Variants in PRIMPOL observed in about 807,000 individuals in gnomAD.
PRIMPOL encodes DNA-directed primase/polymerase protein.
PRIMPOL carries 54 observed loss-of-function variants against 63.6 expected under a neutral mutation model. The ratio of observed to expected loss-of-function variants is 0.85; its 90% CI spans 0.68 to 1.07. PRIMPOL has a LOEUF of 1.07. Ranked by LOEUF, PRIMPOL falls within the 50% of genes least tolerant of loss-of-function variation. The pLI, the probability that PRIMPOL is intolerant of heterozygous loss-of-function variation, is 0.00. For synonymous variants in PRIMPOL, 197 were observed against 220.2 expected (o/e 0.89, Z 0.93); for missense variants, 610 against 648.3 (o/e 0.94, Z 0.64).
At chr4:184,653,125 G>A (rs1281931407) in intron 2 of PRIMPOL, among the ~76,000 whole-genome samples, 1 of 151,834 alleles carries the variant, frequency 6.6e-6, no homozygotes, top group South Asian at 2.1e-4. Flanking sequence ...AAGGTAGGTA[G>A]GTGAGAAAGA....
chr4:184,681,719 C>T (rs1241206711), intron 8 of PRIMPOL, among the ~76,000 whole-genome samples: 1 of 152,020 alleles, frequency 6.6e-6, no homozygotes, highest in Non-Finnish European at 1.5e-5. Flanking sequence ...GAATTACAGG[C>T]GTTTGCCACC....
intron 7 of PRIMPOL, among the ~76,000 whole-genome samples, chr4:184,675,720 G>C (rs1198073018): frequency 1.3e-5 from 2 of 152,168 alleles, no homozygotes; most frequent in African/African-American, 2.4e-5. Context: ...AGGAGGCTGA[G>C]ACATGAGAAT....
At chr4:184,650,812 C>T (rs1282326778) in intron 1 of PRIMPOL, among the ~76,000 whole-genome samples, 1 of 152,154 alleles carries the variant, frequency 6.6e-6, no homozygotes, top group African/African-American at 2.4e-5. Flanking sequence ...TGCGCCTATT[C>T]GACTATAGGG....
intron 7 of PRIMPOL, 63 bp downstream of exon 7, chr4:184,672,523 G>T (rs958289534): frequency 6.8e-7 from 1 of 1,475,366 alleles, no homozygotes. Context: ...AGACGGGTTG[G>T]TGCCCACTCG....
At chr4:184,656,396 C>T (rs1437238172) in intron 2 of PRIMPOL, among the ~76,000 whole-genome samples, 1 of 151,978 alleles carries the variant, frequency 6.6e-6, no homozygotes, top group Non-Finnish European at 1.5e-5. Context: ...TCCCACTCTT[C>T]TAAAAACCTA....
At chr4:184,678,205 A>G (rs778715103) in intron 7 of PRIMPOL, 27 bp from the exon 8 acceptor site, 1 of 1,452,418 alleles carries the variant, frequency 6.9e-7, no homozygotes, top group South Asian at 1.3e-5. Context: ...ACATGCTTTC[A>G]TATTGTTTTA....
At chr4:184,683,548 C>T (rs919443466) in intron 9 of PRIMPOL, among the ~76,000 whole-genome samples, 58 of 152,180 alleles carry the variant, frequency 3.8e-4, no homozygotes, top group African/African-American at 1.4e-3. Context: ...ACTCTTCTGT[C>T]CATGATCAAA....
chr4:184,678,442 A>C, intron 8 of PRIMPOL, 48 bp downstream of exon 8: 1 of 1,375,642 alleles, frequency 7.3e-7, no homozygotes, highest in Non-Finnish European at 1.0e-6. Flanking sequence ...AATATTTATT[A>C]AACAGTGAAT....
chr4:184,671,145 T>C (rs1288678713), intron 6 of PRIMPOL, among the ~76,000 whole-genome samples: 1 of 152,216 alleles, frequency 6.6e-6, no homozygotes, highest in Non-Finnish European at 1.5e-5. Context: ...AGTACTGCTG[T>C]TACTCTGAGT....
intron 7 of PRIMPOL, among the ~76,000 whole-genome samples, chr4:184,677,169 C>T (rs2150121870): frequency 6.6e-6 from 1 of 150,844 alleles, no homozygotes; most frequent in East Asian, 2.0e-4. Context: ...TTTGTAGAGA[C>T]AGGATCTGCT....
At chr4:184,665,655 C>T (rs1034857862) in intron 5 of PRIMPOL, among the ~76,000 whole-genome samples, 5 of 151,970 alleles carry the variant, frequency 3.3e-5, no homozygotes, top group African/African-American at 9.7e-5. Context: ...TAGACACCTG[C>T]CACCACGCCT....
Position 184,678,218 on chromosome 4 carries a change from A to G in PRIMPOL, c.845-14A>G, listed in dbSNP as rs776596125. 2 of 1,517,160 alleles carry G rather than the reference A, an allele frequency of 1.3e-6. No homozygotes were observed. The highest frequency in any genetic ancestry group is 1.3e-5 in the South Asian group (1 of 77,926). The allele number at this position is 1,517,160 out of a possible 1,614,324, so 94.0% of individuals were successfully genotyped here. ...AAACATGCTTTCATATTGTTTTATCAATTTTTGATGTAGGAGTTTATACAA... is the reference window on the plus strand; with the variant it reads ...AAACATGCTTTCATATTGTTTTATCGATTTTTGATGTAGGAGTTTATACAA... On this transcript the variant is annotated splice_polypyrimidine_tract_variant and intron_variant, in intron 7 of 13. Coordinates refer to ENST00000314970, the MANE Select transcript of PRIMPOL (RefSeq NM_152683.4).
At chr4:184,664,911 G>A (rs1341835262) in intron 5 of PRIMPOL, among the ~76,000 whole-genome samples, 1 of 152,184 alleles carries the variant, frequency 6.6e-6, no homozygotes, top group East Asian at 1.9e-4. Context: ...GGAAATCAAG[G>A]AAGCCCTCTC....
chr4:184,692,277 C>T (rs571883987), intron 13 of PRIMPOL, among the ~76,000 whole-genome samples: 38 of 151,842 alleles, frequency 2.5e-4, no homozygotes, highest in African/African-American at 8.5e-4. Flanking sequence ...AGTTTGAGAC[C>T]GGCCTGGCCA....
intron 7 of PRIMPOL, among the ~76,000 whole-genome samples, chr4:184,675,705 T>TACTC (rs1271269652): frequency 6.6e-6 from 1 of 152,084 alleles, no homozygotes; most frequent in East Asian, 1.9e-4. Context: ...TAATCCCAGC[T>TACTC]ACTCAGGAGG....
intron 7 of PRIMPOL, among the ~76,000 whole-genome samples, chr4:184,673,198 C>T (rs565891104): frequency 2.7e-5 from 4 of 150,366 alleles, no homozygotes; most frequent in South Asian, 4.2e-4. Flanking sequence ...GGCACAATCT[C>T]AGCTCACTGC....
At position 184,685,689 on chromosome 4, in the gene PRIMPOL, G is replaced by A. The variant is rs755238192; in HGVS notation, c.1295+5G>A. ...CCATAAGAGTAATAATATAATGTAA[G>A]TAATATTAATGATTTGTGTGTATTT... On this transcript the variant is annotated splice_donor_5th_base_variant and intron_variant, in intron 11 of 13. Coordinates refer to ENST00000314970, the MANE Select transcript of PRIMPOL (RefSeq NM_152683.4). 2.4e-6 allele frequency: 3 copies of A among 1,252,604 alleles called. No homozygotes were observed. In the African/African-American group the frequency reaches 4.5e-5, roughly 19 times the overall value. The allele number at this position is 1,252,604 out of a possible 1,614,324, so 77.6% of individuals were successfully genotyped here.
rs531981645 is a variant in PRIMPOL at position 184,663,030 on chromosome 4, A to ATTC, written c.408+1129_408+1130insCTT. 9.3e-3 allele frequency among the ~76,000 whole-genome samples: 1,295 copies of ATTC among 139,950 alleles called. 23 individuals carry two copies. Among genetic ancestry groups the ATTC allele is most frequent in the African/African-American group, 0.036 (1,249 of 34,994 alleles). The allele number at this position is 139,950 out of a possible 152,430, so 91.8% of individuals were successfully genotyped here. ...TTAATTTTAAACCTTTATTATTATTATTATTATTATTATTATTATTATTAT... is the reference window on the plus strand; with the variant it reads ...TTAATTTTAAACCTTTATTATTATTATTCTTATTATTATTATTATTATTATTAT... On this transcript the variant is annotated intron_variant, in intron 5 of 13. Transcript: ENST00000314970.
intron 7 of PRIMPOL, among the ~76,000 whole-genome samples, chr4:184,674,082 C>G (rs776158863): frequency 2.0e-5 from 3 of 152,110 alleles, no homozygotes; most frequent in African/African-American, 7.2e-5. Flanking sequence ...GGCCAGTACC[C>G]GTCTCTACTT....
Sources: gnomAD v4.1 joint callset for allele counts (sites outside exome capture counted in the v4.1 genomes callset) on GRCh38, gnomAD v4.1.1 for gene constraint, MANE v1.5 for transcripts, NCBI Gene and HGNC (gene_info 2026-07-23, HGNC 2026-07-21) for gene names.